The following ADCY5 variants were observed in gnomAD, a reference collection of about 807,000 sequenced individuals.
ADCY5 encodes adenylate cyclase 5, also known as adenylate cyclase type 5.
Under a neutral mutation model 119.7 loss-of-function variants are expected in ADCY5, and 30 were observed. The ratio of observed to expected loss-of-function variants is 0.25; its 90% CI spans 0.19 to 0.34. The LOEUF is 0.34. ADCY5 is among the 10% of genes least tolerant of loss of function. The probability of loss-of-function intolerance (pLI) is 1.00; values close to 1 mark genes in which losing one functional copy is unlikely to be tolerated. For synonymous variants in ADCY5, 753 were observed against 762.2 expected (o/e 0.99, Z 0.20); for missense variants, 1,324 against 1,775.2 (o/e 0.75, Z 4.57).
chr3:123,345,769 G>GACAGACACACACACACACACACACACAC (rs57198270), intron 3 of ADCY5, among the ~76,000 whole-genome samples: 14 of 113,830 alleles, frequency 1.2e-4, no homozygotes, highest in African/African-American at 5.5e-4. Context: ...CAGACAGACA[G>GACAGACACACACACACACACACACACAC]ACACACACAC....
At chr3:123,379,167 C>T (rs147370670) in intron 1 of ADCY5, among the ~76,000 whole-genome samples, 15 of 152,238 alleles carry the variant, frequency 9.9e-5, no homozygotes, top group Non-Finnish European at 1.5e-4. Context: ...CTTTAATACA[C>T]GCCTGTCATG....
At chr3:123,376,692 T>A (rs1943847337) in intron 1 of ADCY5, among the ~76,000 whole-genome samples, 1 of 151,766 alleles carries the variant, frequency 6.6e-6, no homozygotes. Context: ...CAGAGCAGAG[T>A]GGCTGGCGTG....
chr3:123,292,985 G>A (rs2108207160), intron 17 of ADCY5, among the ~76,000 whole-genome samples: 1 of 152,320 alleles, frequency 6.6e-6, no homozygotes, highest in African/African-American at 2.4e-5. Context: ...CTACAGCTGG[G>A]GGCAGAGCCA....
intron 1 of ADCY5, among the ~76,000 whole-genome samples, chr3:123,361,394 C>T (rs1444142369): frequency 6.6e-6 from 1 of 152,160 alleles, no homozygotes; most frequent in Non-Finnish European, 1.5e-5. Context: ...TTAGTGTATT[C>T]ACAAGGCTGT....
At chr3:123,312,528 T>C (rs373143277) in intron 12 of ADCY5, among the ~76,000 whole-genome samples, 2 of 152,380 alleles carry the variant, frequency 1.3e-5, no homozygotes, top group South Asian at 2.1e-4. Flanking sequence ...ACAGAAACTC[T>C]GAACCCATTA....
chr3:123,303,220 C>CT lies in ADCY5; in HGVS notation c.2560-2dup. On this transcript the variant is annotated splice_acceptor_variant, in intron 13 of 20. Transcript: ENST00000462833. LOFTEE classifies it high-confidence loss of function. ...GCAGGTCCCTGGAGTTGCACGTGAA[C>CT]TGGGGGGAGGAAGGAGGGTGATGAG... 1 of 1,611,832 alleles carries CT rather than the reference C, an allele frequency of 6.2e-7. No individual in the cohort carries two copies. The highest frequency in any genetic ancestry group is 8.5e-7 in the Non-Finnish European group (1 of 1,178,596).
At chr3:123,409,395 G>A (rs1001016882) in intron 1 of ADCY5, among the ~76,000 whole-genome samples, 5 of 152,138 alleles carry the variant, frequency 3.3e-5, no homozygotes, top group South Asian at 2.1e-4. Context: ...AAGGACAGAC[G>A]GCCCAGCACA....
rs761629115 is a variant in ADCY5, at chr3:123,368,032, G to A, written c.1135-15451C>T. 28 of 1,478,526 alleles carry A rather than the reference G, an allele frequency of 1.9e-5. No homozygotes were observed. In the Middle Eastern group the frequency reaches 7.1e-4, roughly 37 times the overall value. 91.6% of individuals were successfully genotyped at this position (1,478,526 alleles called of 1,614,324 possible). A position where few individuals can be genotyped will look rare whatever the true frequency, so the allele number is the denominator to read the frequency against. On this transcript the variant is annotated intron_variant, in intron 1 of 20. Transcript: ENST00000462833. ...ATGGGCACCTCAGCAGGGATCCAGG[G>A]GCCCCAGAGATTGCCTGGGGGAGAG...
chr3:123,298,570 T>C (rs1410757555), intron 15 of ADCY5, among the ~76,000 whole-genome samples: 1 of 152,048 alleles, frequency 6.6e-6, no homozygotes, highest in Non-Finnish European at 1.5e-5. Context: ...AAGAAGTTCT[T>C]CCTTGAATAT....
intron 12 of ADCY5, among the ~76,000 whole-genome samples, chr3:123,304,418 G>A (rs529160217): frequency 3.9e-5 from 6 of 152,280 alleles, no homozygotes; most frequent in African/African-American, 1.4e-4. Flanking sequence ...GCGGGACTAC[G>A]TGGGGAACCC....
chr3:123,411,870 A>C (rs953578961), intron 1 of ADCY5, among the ~76,000 whole-genome samples: 1 of 152,164 alleles, frequency 6.6e-6, no homozygotes, highest in African/African-American at 2.4e-5. Context: ...AGGTGGACTC[A>C]CTGTGGCCCT....
chr3:123,369,997 T>C (rs543628067), intron 1 of ADCY5, among the ~76,000 whole-genome samples: 1 of 152,334 alleles, frequency 6.6e-6, no homozygotes, highest in African/African-American at 2.4e-5. Context: ...AAGCACTGAC[T>C]GCCTTAATTC....
At chr3:123,382,469 C>T (rs780305793) in intron 1 of ADCY5, among the ~76,000 whole-genome samples, 11 of 152,318 alleles carry the variant, frequency 7.2e-5, no homozygotes, top group South Asian at 4.2e-4. Flanking sequence ...TATTTTTACA[C>T]GCATGCTCCC....
Position 123,284,099 on chromosome 3 carries a change from T to TCCAAAGCCAGCACTCCTGTG in ADCY5, c.*489_*508dup. 6.4e-6 allele frequency: 1 copy of TCCAAAGCCAGCACTCCTGTG among 155,204 alleles called. No homozygotes were observed. Among genetic ancestry groups the TCCAAAGCCAGCACTCCTGTG allele is most frequent in the East Asian group, 1.9e-4 (1 of 5,254 alleles). 9.6% of individuals were successfully genotyped at this position (155,204 alleles called of 1,614,324 possible). A position where few individuals can be genotyped will look rare whatever the true frequency, so the allele number is the denominator to read the frequency against. On this transcript the variant is annotated 3_prime_UTR_variant, in exon 21 of 21. Coordinates refer to ENST00000462833, the MANE Select transcript of ADCY5 (RefSeq NM_183357.3). ...GGACCACGATGAAGGCCACAGTCCCTCCAAAGCCAGCACTCCTGTGCCAAA... is the reference window on the plus strand; with the variant it reads ...GGACCACGATGAAGGCCACAGTCCCTCCAAAGCCAGCACTCCTGTGCCAAAGCCAGCACTCCTGTGCCAAA...
chr3:123,309,366 C>T (rs751099161), intron 12 of ADCY5, among the ~76,000 whole-genome samples: 1 of 152,242 alleles, frequency 6.6e-6, no homozygotes, highest in African/African-American at 2.4e-5. Flanking sequence ...GGGGTCCCCA[C>T]GCCAGTGCTC....
chr3:123,304,070 G>A lies in ADCY5; in HGVS notation c.2556C>T (p.Asn852=). The A allele has an allele frequency of 2.1e-5, 33 of 1,609,052 alleles. No homozygotes were observed. Among genetic ancestry groups the A allele is most frequent in the Non-Finnish European group, 2.8e-5 (33 of 1,175,636 alleles). The change falls in exon 13 of 21, where the codon AAC becomes AAT. Residue 852 remains asparagine, a synonymous_variant. Coordinates refer to ENST00000462833, the MANE Select transcript of ADCY5 (RefSeq NM_183357.3). The part of the protein sequence containing the change: ...ITLVFLAAFV[N]MFTCNSRDLL... ...AGGAGGTCGTGCAGCCACCCACCAT[G>A]TTGACAAAAGCCGCCAGGAACACCA... is the stretch of plus-strand genomic sequence containing the variant.
At chr3:123,341,943 A>C (rs1197535894) in intron 3 of ADCY5, among the ~76,000 whole-genome samples, 1 of 152,170 alleles carries the variant, frequency 6.6e-6, no homozygotes, top group Admixed American at 6.5e-5. Context: ...AAAAAAATAG[A>C]GACAGGGTCT....
intron 1 of ADCY5, among the ~76,000 whole-genome samples, chr3:123,360,061 GTTTTT>G (rs71625736): frequency 6.8e-6 from 1 of 146,952 alleles, no homozygotes; most frequent in African/African-American, 2.5e-5. Context: ...GGTGCTTAAT[GTTTTT>G]TTTTTTTAAC....
intron 1 of ADCY5, among the ~76,000 whole-genome samples, chr3:123,403,642 C>A (rs970430173): frequency 6.6e-5 from 10 of 152,158 alleles, no homozygotes; most frequent in Non-Finnish European, 1.2e-4. Flanking sequence ...TCCTCCCAAT[C>A]CCCCTCAACA....
Sources: gnomAD v4.1 joint callset for allele counts (sites outside exome capture counted in the v4.1 genomes callset) on GRCh38, gnomAD v4.1.1 for gene constraint, MANE v1.5 for transcripts, NCBI Gene and HGNC (gene_info 2026-07-23, HGNC 2026-07-21) for gene names.